The following TOX variants were observed in gnomAD, a reference collection of about 807,000 sequenced individuals.
The protein encoded by TOX is thymocyte selection associated high mobility group box.
A neutral mutation model predicts 53.7 loss-of-function variants in TOX; 11 were observed. The ratio of observed to expected loss-of-function variants is 0.20; its 90% confidence interval spans 0.13 to 0.34. The LOEUF (loss-of-function observed/expected upper bound fraction) is 0.34. Ranked by LOEUF, TOX falls within the 10% of genes least tolerant of loss-of-function variation. The probability of loss-of-function intolerance (pLI) is 1.00; values close to 1 mark genes in which losing one functional copy is unlikely to be tolerated. For missense variants in TOX, 570 were observed against 664.6 expected (o/e 0.86, Z 1.56); for synonymous variants, 225 against 245.3 (o/e 0.92, Z 0.77).
At chr8:58,983,442 C>T (rs1424103277) in intron 1 of TOX, among the ~76,000 whole-genome samples, 1 of 152,164 alleles carries the variant, frequency 6.6e-6, no homozygotes, top group Non-Finnish European at 1.5e-5. Context: ...AGGCTCAAAT[C>T]CATGTTCTAC....
chr8:58,965,484 T>C (rs1812876819), intron 1 of TOX, among the ~76,000 whole-genome samples: 1 of 152,166 alleles, frequency 6.6e-6, no homozygotes. Flanking sequence ...AAATGGGCGA[T>C]ATTAGGCTAC....
At chr8:58,967,953 T>C (rs1191770178) in intron 1 of TOX, among the ~76,000 whole-genome samples, 2 of 152,200 alleles carry the variant, frequency 1.3e-5, no homozygotes, top group African/African-American at 4.8e-5. Flanking sequence ...TCTCACTCCA[T>C]CTTTGTTCTG....
intron 1 of TOX, among the ~76,000 whole-genome samples, chr8:59,006,364 C>T (rs1045820292): frequency 6.6e-6 from 1 of 152,148 alleles, no homozygotes; most frequent in Non-Finnish European, 1.5e-5. Flanking sequence ...TACAGTAATG[C>T]TATGCCTTGA....
At chr8:58,874,333 G>A (rs2129170288) in intron 3 of TOX, among the ~76,000 whole-genome samples, 1 of 152,104 alleles carries the variant, frequency 6.6e-6, no homozygotes, top group South Asian at 2.1e-4. Flanking sequence ...TTTTGTTTTA[G>A]GGAAGGAAAG....
intron 1 of TOX, among the ~76,000 whole-genome samples, chr8:58,964,320 G>A (rs912903697): frequency 4.6e-5 from 7 of 152,184 alleles, no homozygotes; most frequent in Non-Finnish European, 8.8e-5. Context: ...CAGAATAGGC[G>A]TAGTCATTCC....
chr8:58,819,401 C>T (rs1490081307), intron 6 of TOX, among the ~76,000 whole-genome samples: 1 of 152,194 alleles, frequency 6.6e-6, no homozygotes, highest in Non-Finnish European at 1.5e-5. Flanking sequence ...TTGAATCCCA[C>T]ACTTTCACAG....
chr8:58,933,108 C>G (rs945288567), intron 3 of TOX, among the ~76,000 whole-genome samples: 5 of 152,146 alleles, frequency 3.3e-5, no homozygotes, highest in Admixed American at 3.3e-4. Flanking sequence ...TACAAAAAGC[C>G]CAGGTTCTAA....
chr8:58,851,580 C>A lies in TOX; in HGVS notation c.637G>T (p.Ala213Ser). Residue 213 changes from alanine to serine, a missense_variant, in exon 4 of 9, where the codon GCA becomes TCA. Physicochemically the swap from Ala to Ser is moderately conservative, Grantham distance 99. Around this residue, in one of 3 missense-constraint regions of TOX, gnomAD observed 282 missense variants for 315.0 expected, o/e 0.90. Coordinates refer to ENST00000361421, the MANE Select transcript of TOX (RefSeq NM_014729.3). The surrounding 1 kb of genome is among the most constrained non-coding windows in gnomAD (Gnocchi z 4.4). Reference protein sequence around the residue: ...NSPSPPGSKSATPSPSSSVHE... With the variant: ...NSPSPPGSKSSTPSPSSSVHE... ...ACTGAACTGGATGGTGAAGGAGTTG[C>A]AGACTTGCTTCCAGGTGGAGATGGT... 6.2e-7 allele frequency: 1 copy of A among 1,613,610 alleles called. No individual in the cohort carries two copies. The highest frequency in any genetic ancestry group is 8.5e-7 in the Non-Finnish European group (1 of 1,179,772).
chr8:58,861,633 A>C (rs1215197072), intron 3 of TOX, among the ~76,000 whole-genome samples: 1 of 152,208 alleles, frequency 6.6e-6, no homozygotes, highest in Non-Finnish European at 1.5e-5. Flanking sequence ...TTGGAAGTGT[A>C]GGTTAAGTAA....
chr8:59,047,207 T>TTTG (rs2129421084), intron 1 of TOX, among the ~76,000 whole-genome samples: 1 of 96,112 alleles, frequency 1.0e-5, no homozygotes, highest in African/African-American at 5.2e-5. Flanking sequence ...AGAATTGTTT[T>TTTG]TTTTTTTTTT....
At chr8:58,934,032 T>A (rs1812304197) in intron 3 of TOX, among the ~76,000 whole-genome samples, 2 of 152,252 alleles carry the variant, frequency 1.3e-5, no homozygotes, top group Middle Eastern at 3.4e-3. Flanking sequence ...AATCAATTAC[T>A]CACTATCAAA....
rs149321092 is a variant in TOX at position 58,900,315 on chromosome 8, T to C, written c.411+38987A>G. Among the ~76,000 whole-genome samples, 50 of 152,302 alleles carry C rather than the reference T, an allele frequency of 3.3e-4. 1 individual carries two copies. The South Asian group carries it at 6.2e-3, about 19-fold the overall frequency. On this transcript the variant is annotated intron_variant, in intron 3 of 8. Coordinates refer to ENST00000361421, the MANE Select transcript of TOX (RefSeq NM_014729.3). ...TTTTAAAATGTATGCCTGGCATTTA[T>C]ATAATACAACCTCTATACACACAAG...
At chr8:59,104,448 C>A (rs1162079194) in intron 1 of TOX, among the ~76,000 whole-genome samples, 1 of 152,082 alleles carries the variant, frequency 6.6e-6, no homozygotes, top group South Asian at 2.1e-4. Flanking sequence ...GCCTTTCACT[C>A]GAGTTTTTGC....
intron 3 of TOX, among the ~76,000 whole-genome samples, chr8:58,862,363 AG>A (rs1811024600): frequency 6.6e-6 from 1 of 152,124 alleles, no homozygotes; most frequent in African/African-American, 2.4e-5. Flanking sequence ...CAATATTTCT[AG>A]GTATACCTAA....
intron 1 of TOX, among the ~76,000 whole-genome samples, chr8:58,966,589 A>C (rs1226856001): frequency 6.6e-6 from 1 of 152,142 alleles, no homozygotes; most frequent in African/African-American, 2.4e-5. Flanking sequence ...GCTGGACTCC[A>C]CTTTGGGGCT....
At chr8:58,957,711 G>T (rs1350265530) in intron 2 of TOX, among the ~76,000 whole-genome samples, 2 of 152,190 alleles carry the variant, frequency 1.3e-5, no homozygotes, top group Non-Finnish European at 2.9e-5. Flanking sequence ...TTTGAAAATT[G>T]AACAGGAATT....
At chr8:58,961,671 G>C (rs948981739) in intron 1 of TOX, among the ~76,000 whole-genome samples, 2 of 152,098 alleles carry the variant, frequency 1.3e-5, no homozygotes, top group Non-Finnish European at 2.9e-5. Flanking sequence ...GGGACTACAG[G>C]TGCCCACCAC....
intron 1 of TOX, among the ~76,000 whole-genome samples, chr8:58,971,036 T>G (rs1379409553): frequency 1.3e-5 from 2 of 152,178 alleles, no homozygotes; most frequent in African/African-American, 2.4e-5. Context: ...GTAGTTCATT[T>G]TTTCAGAGTT....
At position 58,923,121 on chromosome 8, in the gene TOX, T is replaced by C. The variant is rs1332398791; in HGVS notation, c.411+16181A>G. 3.3e-5 allele frequency among the ~76,000 whole-genome samples: 5 copies of C among 152,074 alleles called. No individual in the cohort carries two copies. The South Asian group carries it at 1.0e-3, about 32-fold the overall frequency. ...TTTTCTCCTTTTATCCTAGGTACAA[T>C]GAGGAGTCACTGAAGGGTGGTCAAT... On this transcript the variant is annotated intron_variant, in intron 3 of 8. Transcript: ENST00000361421.
Sources: allele counts gnomAD v4.1 joint callset (sites outside exome capture counted in the v4.1 genomes callset), GRCh38; gene constraint gnomAD v4.1.1; regional missense constraint gnomAD v4.1.1; non-coding constraint Gnocchi (gnomAD v3.1); transcripts MANE v1.5; gene names NCBI Gene and HGNC (gene_info 2026-07-23, HGNC 2026-07-21).